The following RADIL variants were observed in gnomAD, a reference collection of about 807,000 sequenced individuals.
The protein encoded by RADIL is Rap associating with DIL domain.
A neutral mutation model predicts 97.6 loss-of-function variants in RADIL; 99 were observed. That is an observed-to-expected ratio of 1.01 (90% CI 0.86 to 1.20). The LOEUF (loss-of-function observed/expected upper bound fraction) is 1.20, where lower values mean the gene tolerates loss of function less well. RADIL is among the 50% of genes most tolerant of loss of function. The pLI, the probability that RADIL is intolerant of heterozygous loss-of-function variation, is 0.00. For missense variants in RADIL, 1,765 were observed against 1,498.9 expected (o/e 1.18, Z -2.93); for synonymous variants, 803 against 691.8 (o/e 1.16, Z -2.52).
At chr7:4,870,269 C>A (rs1784222871) in intron 2 of RADIL, among the ~76,000 whole-genome samples, 1 of 152,198 alleles carries the variant, frequency 6.6e-6, no homozygotes, top group Non-Finnish European at 1.5e-5. Flanking sequence ...TCTGAAAACA[C>A]TTCTGCCACT....
rs747080978 is a variant in RADIL, at chr7:4,801,799, G to A, written c.2696C>T (p.Ser899Leu). ...GCTGGGAGGCGTGAGCAAGCAGGAC[G>A]AGTCCGTGTGCGGGGGGCCAGCCTG... is the stretch of plus-strand genomic sequence containing the variant. ...GSQAGPPHTDSSCLLTPPSTP... is the reference protein window; with the variant it reads ...GSQAGPPHTDLSCLLTPPSTP... The change falls in exon 12 of 15, where the codon TCG becomes TTG. Residue 899 changes from serine (S) to leucine (L), a missense_variant. Coordinates refer to ENST00000399583, the MANE Select transcript of RADIL (RefSeq NM_018059.5). 8.7e-6 allele frequency: 14 copies of A among 1,609,292 alleles called. No homozygotes were observed. The highest frequency in any genetic ancestry group is 2.7e-5 in the African/African-American group (2 of 74,884).
At position 4,815,374 on chromosome 7, in the gene RADIL, C is replaced by G. The variant is rs1433971215; in HGVS notation, c.2043G>C (p.Met681Ile). 1.3e-6 allele frequency: 2 copies of G among 1,564,088 alleles called. No homozygotes were observed. The highest frequency in any genetic ancestry group is 8.7e-7 in the Non-Finnish European group (1 of 1,155,042). ...CARLQQLLEW[M>I]RSAGFGAAGE... ...CAGCCGCCCCGAAGCCGGCGCTCCG[C>G]ATCCACTCCAGGAGCTGCTGCAGGC... Residue 681 changes from methionine (M) to isoleucine (I), a missense_variant, in exon 9 of 15, where the codon ATG (methionine) becomes ATC (isoleucine). By Grantham distance (10) the Met-to-Ile change is conservative. Transcript: ENST00000399583. This position sits in a 1 kb window ranked among gnomAD's most constrained non-coding sequence, Gnocchi z 8.0.
intron 9 of RADIL, chr7:4,808,621 C>T (rs1380788136): frequency 1.0e-6 from 1 of 985,268 alleles, no homozygotes; most frequent in Non-Finnish European, 1.2e-6. Context: ...GAAGCAGCCC[C>T]GCGGCCCTGG....
At position 4,814,569 on chromosome 7, in the gene RADIL, G is replaced by C. The variant is rs61617955; in HGVS notation, c.2139+709C>G. Reference sequence around the variant, plus strand: ...GGTGAGTGGCTGACTGTGTTGGGAGGGGGGTGGTGAGCAGCGAGGGAAGCA... The same window carrying C: ...GGTGAGTGGCTGACTGTGTTGGGAGCGGGGTGGTGAGCAGCGAGGGAAGCA... On this transcript the variant is annotated intron_variant, in intron 9 of 14. Transcript: ENST00000399583. This position sits in a 1 kb window ranked among gnomAD's most constrained non-coding sequence, Gnocchi z 4.5. 0.038 allele frequency among the ~76,000 whole-genome samples: 5,768 copies of C among 152,138 alleles called. 359 individuals are homozygous for C. The highest frequency in any genetic ancestry group is 0.13 in the African/African-American group (5,412 of 41,458).
rs1247254399 is a variant in RADIL at position 4,799,626 on chromosome 7, G to C, written c.3122+4C>G. 6.2e-7 allele frequency: 1 copy of C among 1,605,294 alleles called. No homozygotes were observed. On this transcript the variant is annotated splice_donor_region_variant and intron_variant, in intron 14 of 14. Coordinates refer to ENST00000399583, the MANE Select transcript of RADIL (RefSeq NM_018059.5). ...GGGGCCGGGCGTGCATGCGGTGGGG[G>C]TACCTCAGGTAGCCAAGGCCCAGGA...
At chr7:4,860,653 T>C (rs1182108541) in intron 2 of RADIL, 2 of 1,614,206 alleles carry the variant, frequency 1.2e-6, no homozygotes, top group Non-Finnish European at 1.7e-6. Context: ...CTAAATGTTG[T>C]TTTTCTGTTG....
chr7:4,847,851 C>T (rs1783613284), intron 2 of RADIL, among the ~76,000 whole-genome samples: 1 of 148,330 alleles, frequency 6.7e-6, no homozygotes, highest in Non-Finnish European at 1.5e-5. Flanking sequence ...CTGCCTGGGT[C>T]TGGGGGTGGG....
chr7:4,805,417 T>C, intron 10 of RADIL, 149 bp downstream of exon 10: 6 of 927,530 alleles, frequency 6.5e-6, no homozygotes, highest in South Asian at 7.3e-5. Flanking sequence ...GGCGGGGGGG[T>C]CCTCTGGGTG....
At chr7:4,806,073 A>C (rs1782297685) in intron 9 of RADIL, 1 of 984,808 alleles carries the variant, frequency 1.0e-6, no homozygotes, top group Admixed American at 6.1e-5. Flanking sequence ...GAAAGAAATC[A>C]ATCAAGTCGG....
At chr7:4,881,021 G>C (rs1313315208) in intron 1 of RADIL, among the ~76,000 whole-genome samples, 1 of 137,488 alleles carries the variant, frequency 7.3e-6, no homozygotes, top group Non-Finnish European at 1.6e-5. Context: ...GATCACCGGA[G>C]CCCAGGAGTT....
intron 2 of RADIL, among the ~76,000 whole-genome samples, chr7:4,874,697 A>T (rs578199083): frequency 6.6e-6 from 1 of 152,350 alleles, no homozygotes; most frequent in South Asian, 2.1e-4. Flanking sequence ...CCACGAGCTT[A>T]GACAGGCTGT....
At chr7:4,833,203 C>A (rs1038362242) in intron 4 of RADIL, among the ~76,000 whole-genome samples, 3 of 152,196 alleles carry the variant, frequency 2.0e-5, no homozygotes, top group Non-Finnish European at 2.9e-5. Context: ...GCTTCAGTTT[C>A]CCTGGCTGTG....
intron 13 of RADIL, 57 bp from the exon 14 acceptor site, chr7:4,799,826 G>A (rs1216457563): frequency 2.1e-6 from 3 of 1,447,862 alleles, no homozygotes; most frequent in Non-Finnish European, 2.7e-6. Context: ...TCCCCAGCGA[G>A]GACCACTGCA....
At chr7:4,864,216 G>T (rs1784084438) in intron 2 of RADIL, among the ~76,000 whole-genome samples, 1 of 152,078 alleles carries the variant, frequency 6.6e-6, no homozygotes, top group African/African-American at 2.4e-5. Flanking sequence ...CATCTTCTTT[G>T]ACCTATGGTA....
intron 2 of RADIL, among the ~76,000 whole-genome samples, chr7:4,875,374 C>G (rs1279294717): frequency 6.6e-6 from 1 of 151,198 alleles, no homozygotes; most frequent in African/African-American, 2.4e-5. Flanking sequence ...GCCTGGGCGA[C>G]AGAGAGAGAC....
At chr7:4,855,136 T>C (rs1783795749) in intron 2 of RADIL, among the ~76,000 whole-genome samples, 1 of 152,220 alleles carries the variant, frequency 6.6e-6, no homozygotes, top group African/African-American at 2.4e-5. Flanking sequence ...ATGGTATTTA[T>C]TGCATGAATA....
intron 10 of RADIL, 110 bp downstream of exon 10, chr7:4,805,441 GGAGGTCCCCAGGAGA>G: frequency 1.6e-6 from 2 of 1,245,402 alleles, no homozygotes; most frequent in East Asian, 2.5e-5. Context: ...GCTCCTCCAG[GGAGGTCCCCAGGAGA>G]GAGGTCCCCC....
At chr7:4,816,974 C>T (rs769487711) in intron 7 of RADIL, among the ~76,000 whole-genome samples, 19 of 152,158 alleles carry the variant, frequency 1.2e-4, no homozygotes, top group Admixed American at 5.9e-4. Context: ...CCTCGAAATA[C>T]TGGCAGGAAG....
intron 9 of RADIL, among the ~76,000 whole-genome samples, chr7:4,812,807 C>G (rs1215847529): frequency 2.0e-5 from 3 of 152,188 alleles, no homozygotes; most frequent in African/African-American, 7.2e-5. Flanking sequence ...ATTTTTAGCT[C>G]TCATCCGTCA....
Sources: allele counts gnomAD v4.1 joint callset (sites outside exome capture counted in the v4.1 genomes callset), GRCh38; gene constraint gnomAD v4.1.1; non-coding constraint Gnocchi (gnomAD v3.1); transcripts MANE v1.5; gene names NCBI Gene and HGNC (gene_info 2026-07-23, HGNC 2026-07-21).